The following WDR49 variants were observed in gnomAD, a reference collection of about 807,000 sequenced individuals.
WDR49 encodes the protein cilia- and flagella-associated protein 337.
In WDR49, 107 loss-of-function variants were observed where a neutral mutation model predicts 119.5. That is an observed-to-expected ratio of 0.90 (90% confidence interval 0.77 to 1.05). The LOEUF (loss-of-function observed/expected upper bound fraction) is 1.05. Ranked by LOEUF, WDR49 falls within the 50% of genes least tolerant of loss-of-function variation. The pLI, the probability that WDR49 is intolerant of heterozygous loss-of-function variation, is 0.00. For synonymous variants in WDR49, 425 were observed against 418.8 expected, an observed-to-expected ratio of 1.01 and a Z score of -0.18; for missense variants, 1,240 against 1,220.5, an observed-to-expected ratio of 1.02 and a Z score of -0.24.
chr3:167,494,854 T>A (rs936370862), intron 18 of WDR49, among the ~76,000 whole-genome samples: 3 of 152,050 alleles, frequency 2.0e-5, no homozygotes, highest in African/African-American at 7.2e-5. Flanking sequence ...TTTTCTGCAG[T>A]TTTGCAGTAC....
intron 16 of WDR49, among the ~76,000 whole-genome samples, chr3:167,513,495 A>C (rs1459560142): frequency 6.6e-6 from 1 of 152,226 alleles, no homozygotes; most frequent in African/African-American, 2.4e-5. Flanking sequence ...GTTATCAGTC[A>C]ATACAAAAAC....
chr3:167,511,557 C>T (rs1751971629), intron 16 of WDR49, among the ~76,000 whole-genome samples: 1 of 152,156 alleles, frequency 6.6e-6, no homozygotes, highest in Non-Finnish European at 1.5e-5. Context: ...GAGCTACCTC[C>T]CAGGGAAACC....
At chr3:167,651,537 G>A (rs540877657) in intron 2 of WDR49, among the ~76,000 whole-genome samples, 1 of 152,146 alleles carries the variant, frequency 6.6e-6, no homozygotes, top group South Asian at 2.1e-4. Context: ...GGCTGCACAT[G>A]TGCCATGGGA....
At chr3:167,514,267 A>G (rs553002827) in intron 16 of WDR49, among the ~76,000 whole-genome samples, 2 of 152,306 alleles carry the variant, frequency 1.3e-5, no homozygotes, top group African/African-American at 4.8e-5. Flanking sequence ...CTCAGACCAC[A>G]GCGCAATTTA....
In WDR49 at chr3:167,483,431, G is replaced by T. The variant is rs1389931600; in HGVS notation, c.3032-4435C>A. On this transcript the variant is annotated intron_variant, in intron 18 of 18. Transcript: ENST00000682715. ...AAGGCCATTAACCCAATAGCTAACT[G>T]ATAAGTCTGTAAGATATTAAGAGAG... 2.0e-5 allele frequency among the ~76,000 whole-genome samples: 3 copies of T among 152,136 alleles called. No individual in the cohort carries two copies. In the East Asian group the frequency reaches 5.8e-4, roughly 29 times the overall value.
chr3:167,485,868 A>G (rs986457211), intron 18 of WDR49, among the ~76,000 whole-genome samples: 4 of 152,134 alleles, frequency 2.6e-5, no homozygotes, highest in African/African-American at 9.7e-5. Flanking sequence ...ATGTTGCTAG[A>G]GTGGTTGACA....
chr3:167,536,994 A>G lies in WDR49; in HGVS notation c.1830T>C (p.Ile610=), dbSNP rs1372524725. ...TGAAGTTTTGGGGTCGAAACACAGT[A>G]ATAGCCCTAGCAAAAAGGATATAGA... is the stretch of plus-strand genomic sequence containing the variant. The part of the protein sequence containing the change: ...YASWKTIGRA[I]TVFRPQNFNQ... The change falls in exon 11 of 19, where the codon ATT becomes ATC. Residue 610 remains isoleucine, a synonymous_variant. Coordinates refer to ENST00000682715, the MANE Select transcript of WDR49 (RefSeq NM_001366157.1). The G allele has an allele frequency of 6.3e-7, 1 of 1,579,264 alleles. No individual in the cohort carries two copies. The highest frequency in any genetic ancestry group is 8.6e-7 in the Non-Finnish European group (1 of 1,164,816).
intron 11 of WDR49, 51 bp downstream of exon 11, chr3:167,536,819 C>T (rs754339566): frequency 7.2e-7 from 1 of 1,388,884 alleles, no homozygotes; most frequent in Admixed American, 2.7e-5. Context: ...CCAAAACAAA[C>T]CAAAACAAAT....
chr3:167,538,129 T>C (rs918186256), intron 10 of WDR49, among the ~76,000 whole-genome samples: 4 of 152,300 alleles, frequency 2.6e-5, no homozygotes, highest in Admixed American at 6.5e-5. Context: ...AGATTTCATA[T>C]ATCACCATGA....
chr3:167,513,310 AT>A (rs1752059715), intron 16 of WDR49, among the ~76,000 whole-genome samples: 1 of 152,204 alleles, frequency 6.6e-6, no homozygotes, highest in African/African-American at 2.4e-5. Flanking sequence ...AATATTCAAC[AT>A]TCTTAAAGAA....
chr3:167,522,613 TATGACTC>T, intron 15 of WDR49, 129 bp from the exon 16 acceptor site: 2 of 847,654 alleles, frequency 2.4e-6, no homozygotes, highest in Non-Finnish European at 3.4e-6. Flanking sequence ...ATGAAAAAGA[TATGACTC>T]CGGTCCACAA....
chr3:167,604,118 A>G (rs1243958924), intron 6 of WDR49, among the ~76,000 whole-genome samples, 183 bp downstream of exon 6: 1 of 152,160 alleles, frequency 6.6e-6, no homozygotes, highest in Non-Finnish European at 1.5e-5. Flanking sequence ...ACCTCAATGT[A>G]GTTCATACAC....
intron 17 of WDR49, among the ~76,000 whole-genome samples, chr3:167,503,309 G>T (rs1188497723): frequency 2.0e-5 from 3 of 152,236 alleles, no homozygotes; most frequent in African/African-American, 7.2e-5. Flanking sequence ...CCCTCACAGA[G>T]AATATCTGCT....
chr3:167,626,098 G>T lies in WDR49; in HGVS notation c.606+754C>A, dbSNP rs75079275. Reference sequence around the variant, plus strand: ...CATGATATTAAGAAAATATTGCTATGGATATTAAGTGTGGTAGAGGTATTT... The same window carrying T: ...CATGATATTAAGAAAATATTGCTATTGATATTAAGTGTGGTAGAGGTATTT... On this transcript the variant is annotated intron_variant, in intron 3 of 18. Transcript: ENST00000682715. Among the ~76,000 whole-genome samples, 476 of 152,030 alleles carry T rather than the reference G, an allele frequency of 3.1e-3. 3 individuals carry two copies. The highest frequency in any genetic ancestry group is 0.011 in the African/African-American group (449 of 41,496).
chr3:167,495,578 G>A (rs1328822655), intron 18 of WDR49, among the ~76,000 whole-genome samples: 1 of 151,866 alleles, frequency 6.6e-6, no homozygotes, highest in Admixed American at 6.6e-5. Context: ...TAACATATGT[G>A]TAATTGCTAT....
chr3:167,490,203 T>G (rs1302179843), intron 18 of WDR49, among the ~76,000 whole-genome samples: 1 of 152,198 alleles, frequency 6.6e-6, no homozygotes, highest in African/African-American at 2.4e-5. Flanking sequence ...AGTTTTCATA[T>G]GACTCTCAAA....
At chr3:167,492,558 G>A (rs1751184697) in intron 18 of WDR49, among the ~76,000 whole-genome samples, 1 of 152,068 alleles carries the variant, frequency 6.6e-6, no homozygotes, top group Non-Finnish European at 1.5e-5. Context: ...ATGTATCAAA[G>A]TCTTACTGGG....
chr3:167,519,803 A>T (rs950268992), intron 16 of WDR49, among the ~76,000 whole-genome samples: 5 of 152,228 alleles, frequency 3.3e-5, no homozygotes, highest in Admixed American at 6.5e-5. Flanking sequence ...AATAAATTTT[A>T]AAAAACCCTA....
chr3:167,568,224 T>C (rs1276368193), intron 8 of WDR49, among the ~76,000 whole-genome samples: 1 of 152,226 alleles, frequency 6.6e-6, no homozygotes, highest in African/African-American at 2.4e-5. Flanking sequence ...AGCTTCTTGA[T>C]TGGCAGAATC....
Sources: allele counts gnomAD v4.1 joint callset (sites outside exome capture counted in the v4.1 genomes callset), GRCh38; gene constraint gnomAD v4.1.1; transcripts MANE v1.5; gene names NCBI Gene and HGNC (gene_info 2026-07-23, HGNC 2026-07-21).